Variants in ANO6 observed in about 807,000 individuals in gnomAD.
The protein encoded by ANO6 is anoctamin-6.
A neutral mutation model predicts 117.5 loss-of-function variants in ANO6; 106 were observed. The ratio of observed to expected loss-of-function variants is 0.90; its 90% CI spans 0.77 to 1.06. The LOEUF is 1.06. Among genes scored for constraint, ANO6 ranks in the 50% least tolerant of loss-of-function variants. ANO6 has a pLI of 0.00. For missense variants in ANO6, 955 were observed against 1,121.1 expected, an observed-to-expected ratio of 0.85 and a Z score of 2.12; for synonymous variants, 367 against 385.1, an observed-to-expected ratio of 0.95 and a Z score of 0.55.
intron 2 of ANO6, among the ~76,000 whole-genome samples, chr12:45,316,545 A>C (rs1452053435): frequency 6.6e-6 from 1 of 152,092 alleles, no homozygotes; most frequent in Admixed American, 6.6e-5. Context: ...CTGCATTTAG[A>C]TGGAATGGAG....
chr12:45,410,917 T>A (rs58640880), intron 16 of ANO6, among the ~76,000 whole-genome samples: 13,106 of 152,276 alleles, frequency 0.086, 905 homozygotes, highest in East Asian at 0.42. Context: ...CTGGAGCCTG[T>A]TTTGAATTTC....
chr12:45,312,131 T>C (rs1048846174), intron 2 of ANO6, among the ~76,000 whole-genome samples: 5 of 152,046 alleles, frequency 3.3e-5, no homozygotes, highest in African/African-American at 1.2e-4. Flanking sequence ...AATGTCAAAA[T>C]TAATTTGACA....
At chr12:45,437,576 C>CT (rs140011511) in intron 19 of ANO6, among the ~76,000 whole-genome samples, 7,658 of 151,222 alleles carry the variant, frequency 0.051, 678 homozygotes, top group African/African-American at 0.17. Flanking sequence ...GCTCTCATAA[C>CT]TTTTTTTTTG....
chr12:45,317,113 G>GTGTGTGTGTATATA lies in ANO6; in HGVS notation c.151-14181_151-14180insGTGTGTGTATATAT. Among the ~76,000 whole-genome samples the GTGTGTGTGTATATA allele has an allele frequency of 1.8e-3, 121 of 66,476 alleles. 18 individuals carry two copies. The highest frequency in any genetic ancestry group is 0.012 in the South Asian group (20 of 1,714). The allele number at this position is 66,476 out of a possible 152,430, so 43.6% of individuals were successfully genotyped here. On this transcript the variant is annotated intron_variant, in intron 2 of 19. Transcript: ENST00000320560. ...AAAGACAGCTGGATTCTTTTTATAT[G>GTGTGTGTGTATATA]TATATATATATATATATATTTATTA...
Position 45,283,438 on chromosome 12 carries a change from G to A in ANO6, c.71-18576G>A, listed in dbSNP as rs1938807178. Among the ~76,000 whole-genome samples, 4 of 152,156 alleles carry A rather than the reference G, an allele frequency of 2.6e-5. No individual in the cohort carries two copies. In the South Asian group the frequency reaches 8.3e-4, roughly 32 times the overall value. On this transcript the variant is annotated intron_variant, in intron 1 of 19. Transcript: ENST00000320560. ...CTCCCATGAGGAGGAGTGGGTAGATGGGACAGGATGGGGAAAGGCAAAGTC... is the reference window on the plus strand; with the variant it reads ...CTCCCATGAGGAGGAGTGGGTAGATAGGACAGGATGGGGAAAGGCAAAGTC...
chr12:45,425,187 A>G (rs1592053307), intron 19 of ANO6, among the ~76,000 whole-genome samples: 1 of 152,212 alleles, frequency 6.6e-6, no homozygotes, highest in Admixed American at 6.5e-5. Context: ...ATGGAAAAAA[A>G]CATGGATTAA....
At chr12:45,345,029 T>C (rs1941089863) in intron 3 of ANO6, among the ~76,000 whole-genome samples, 1 of 152,112 alleles carries the variant, frequency 6.6e-6, no homozygotes, top group Non-Finnish European at 1.5e-5. Context: ...AGTGGGGCAT[T>C]TCTAGGCCAT....
At chr12:45,330,874 A>C (rs576220095) in intron 2 of ANO6, among the ~76,000 whole-genome samples, 109 of 152,174 alleles carry the variant, frequency 7.2e-4, no homozygotes, top group Non-Finnish European at 1.2e-3. Flanking sequence ...TTAGAAAATA[A>C]GACATAAGAA....
intron 9 of ANO6, among the ~76,000 whole-genome samples, chr12:45,374,132 ACT>A (rs1941933120): frequency 6.9e-6 from 1 of 143,892 alleles, no homozygotes; most frequent in Non-Finnish European, 1.5e-5. Flanking sequence ...CGACACATAC[ACT>A]CTCCCAAGAC....
Position 45,430,611 on chromosome 12 carries a change from C to T in ANO6, c.*1300C>T, listed in dbSNP as rs567726351. The T allele has an allele frequency of 1.0e-6, 1 of 985,350 alleles. No homozygotes were observed. Among genetic ancestry groups the T allele is most frequent in the East Asian group, 1.1e-4 (1 of 8,824 alleles). The allele number at this position is 985,350 out of a possible 1,614,324, so 61.0% of individuals were successfully genotyped here. On this transcript the variant is annotated 3_prime_UTR_variant, in exon 20 of 20. Coordinates refer to ENST00000320560, the MANE Select transcript of ANO6 (RefSeq NM_001025356.3). ...ACTCAGATTAGATTTGATTTTTTAG[C>T]CTCCTCTAGAGCCAATCAGGCAGTT...
chr12:45,385,441 G>A (rs1942272733), intron 10 of ANO6, among the ~76,000 whole-genome samples: 1 of 152,142 alleles, frequency 6.6e-6, no homozygotes. Flanking sequence ...TGATGGAGAT[G>A]TATGGGAGTT....
chr12:45,274,003 A>G (rs1938469722), intron 1 of ANO6, among the ~76,000 whole-genome samples: 1 of 152,116 alleles, frequency 6.6e-6, no homozygotes, highest in African/African-American at 2.4e-5. Context: ...CTGCTTCCTG[A>G]AATTCTTTTT....
chr12:45,252,927 C>T (rs979069623), intron 1 of ANO6, among the ~76,000 whole-genome samples: 1 of 152,278 alleles, frequency 6.6e-6, no homozygotes, highest in South Asian at 2.1e-4. Flanking sequence ...AACCTTCACA[C>T]AACAGGGAAT....
chr12:45,355,730 C>T (rs1941394797), intron 7 of ANO6, among the ~76,000 whole-genome samples: 1 of 152,132 alleles, frequency 6.6e-6, no homozygotes, highest in African/African-American at 2.4e-5. Context: ...TCAGCTCTTC[C>T]TTTTTTCCCT....
chr12:45,266,334 A>G (rs1315498333), intron 1 of ANO6, among the ~76,000 whole-genome samples: 1 of 152,212 alleles, frequency 6.6e-6, no homozygotes, highest in African/African-American at 2.4e-5. Flanking sequence ...ATAAGATTTT[A>G]TAAAGAAATT....
At chr12:45,288,488 A>G (rs764722978) in intron 1 of ANO6, among the ~76,000 whole-genome samples, 2 of 152,166 alleles carry the variant, frequency 1.3e-5, no homozygotes, top group Non-Finnish European at 2.9e-5. Flanking sequence ...GTGGAATCCT[A>G]CATTCTTTGT....
At chr12:45,228,315 T>TA (rs1947519757) in intron 1 of ANO6, 28 of 292,334 alleles carry the variant, frequency 9.6e-5, no homozygotes, top group South Asian at 2.1e-4. Flanking sequence ...TTTTTTTTTT[T>TA]TTATTATTAG....
chr12:45,334,767 A>T (rs762432103), intron 3 of ANO6, among the ~76,000 whole-genome samples: 6 of 152,060 alleles, frequency 3.9e-5, no homozygotes, highest in Non-Finnish European at 8.8e-5. Context: ...ATGATTAAAT[A>T]TATCTAAATA....
chr12:45,299,207 A>G (rs1248925292), intron 1 of ANO6, among the ~76,000 whole-genome samples: 1 of 152,228 alleles, frequency 6.6e-6, no homozygotes, highest in African/African-American at 2.4e-5. Flanking sequence ...AGTTTTAAAG[A>G]TGGTCTGTAG....
Sources: allele counts gnomAD v4.1 joint callset (sites outside exome capture counted in the v4.1 genomes callset), GRCh38; gene constraint gnomAD v4.1.1; transcripts MANE v1.5; gene names NCBI Gene and HGNC (gene_info 2026-07-23, HGNC 2026-07-21).